HS3ST5: variants seen among roughly 807,000 people sequenced by gnomAD.
The protein encoded by HS3ST5 is heparan sulfate-glucosamine 3-sulfotransferase 5, also known as heparan sulfate glucosamine 3-O-sulfotransferase 5.
HS3ST5 carries 10 observed loss-of-function variants against 25.4 expected under a neutral mutation model. The ratio of observed to expected loss-of-function variants is 0.39; its 90% CI spans 0.24 to 0.67. The LOEUF is 0.67. Ranked by LOEUF, HS3ST5 falls within the 30% of genes least tolerant of loss-of-function variation. HS3ST5 has a pLI of 0.44. For synonymous variants in HS3ST5, 170 were observed against 162.4 expected (o/e 1.05, Z -0.36); for missense variants, 324 against 420.7 (o/e 0.77, Z 2.01).
intron 1 of HS3ST5, among the ~76,000 whole-genome samples, chr6:114,296,846 A>G (rs1774845452): frequency 6.6e-6 from 1 of 152,152 alleles, no homozygotes. Flanking sequence ...ATGTCTTAAA[A>G]CCACAGACTC....
chr6:114,302,719 T>C (rs1028711685), intron 1 of HS3ST5, among the ~76,000 whole-genome samples: 1 of 152,196 alleles, frequency 6.6e-6, no homozygotes, highest in Non-Finnish European at 1.5e-5. Flanking sequence ...TTCATTCCTA[T>C]AGCATCCTTA....
At chr6:114,115,383 C>G (rs962135812) in intron 3 of HS3ST5, among the ~76,000 whole-genome samples, 3 of 152,062 alleles carry the variant, frequency 2.0e-5, no homozygotes, top group African/African-American at 7.2e-5. Context: ...AACCTTTTGG[C>G]TAAATTACAT....
chr6:114,115,300 A>C (rs1464827473), intron 3 of HS3ST5, among the ~76,000 whole-genome samples: 1 of 152,044 alleles, frequency 6.6e-6, no homozygotes, highest in Non-Finnish European at 1.5e-5. Flanking sequence ...AACAAGAAAC[A>C]ATGGCATTTA....
intron 1 of HS3ST5, among the ~76,000 whole-genome samples, chr6:114,297,037 A>T (rs764530384): frequency 4.6e-5 from 7 of 152,192 alleles, no homozygotes; most frequent in Non-Finnish European, 8.8e-5. Flanking sequence ...ACCGTTCTGG[A>T]TCAGAATCAG....
At chr6:114,193,588 C>T (rs1780604228) in intron 2 of HS3ST5, among the ~76,000 whole-genome samples, 1 of 152,090 alleles carries the variant, frequency 6.6e-6, no homozygotes, top group African/African-American at 2.4e-5. Context: ...TTCTTTGTGC[C>T]TTAATTTCCT....
intron 3 of HS3ST5, among the ~76,000 whole-genome samples, chr6:114,141,496 A>T (rs963825016): frequency 1.3e-5 from 2 of 152,206 alleles, no homozygotes; most frequent in African/African-American, 4.8e-5. Context: ...TGTGTGCAGT[A>T]TATCTGTCTT....
At chr6:114,259,610 T>G (rs956710252) in intron 1 of HS3ST5, among the ~76,000 whole-genome samples, 6 of 152,244 alleles carry the variant, frequency 3.9e-5, no homozygotes, top group Admixed American at 6.5e-5. Context: ...TTTATAGAGA[T>G]AACACTTTGG....
intron 1 of HS3ST5, among the ~76,000 whole-genome samples, chr6:114,234,652 T>C (rs1427802976): frequency 5.3e-5 from 8 of 152,166 alleles, no homozygotes; most frequent in Admixed American, 5.2e-4. Context: ...AATAACTTCT[T>C]ATGCTGTGCC....
At chr6:114,167,971 G>A (rs1157161932) in intron 3 of HS3ST5, among the ~76,000 whole-genome samples, 2 of 151,974 alleles carry the variant, frequency 1.3e-5, no homozygotes, top group Non-Finnish European at 2.9e-5. Context: ...CAGATAATAG[G>A]AACAGCAAAG....
intron 3 of HS3ST5, among the ~76,000 whole-genome samples, chr6:114,122,662 C>T (rs555622528): frequency 4.5e-4 from 68 of 152,278 alleles, no homozygotes; most frequent in African/African-American, 1.5e-3. Context: ...CTTCTGTTAA[C>T]ATATGTTACA....
At chr6:114,146,135 G>T (rs578134544) in intron 3 of HS3ST5, among the ~76,000 whole-genome samples, 1 of 152,246 alleles carries the variant, frequency 6.6e-6, no homozygotes, top group Non-Finnish European at 1.5e-5. Flanking sequence ...TTCTAGATAT[G>T]TCTCTTCTCT....
intron 3 of HS3ST5, among the ~76,000 whole-genome samples, chr6:114,081,853 A>G (rs1774467746): frequency 1.3e-5 from 2 of 152,162 alleles, no homozygotes; most frequent in Non-Finnish European, 2.9e-5. Context: ...TATTGGTCTC[A>G]GCTTTATTGA....
At chr6:114,060,444 C>T (rs1449578453) in intron 4 of HS3ST5, among the ~76,000 whole-genome samples, 1 of 152,166 alleles carries the variant, frequency 6.6e-6, no homozygotes, top group Non-Finnish European at 1.5e-5. Flanking sequence ...TCAATAGATA[C>T]ATAGGCAAAG....
intron 1 of HS3ST5, among the ~76,000 whole-genome samples, chr6:114,338,577 A>T (rs1471785939): frequency 6.6e-6 from 1 of 152,034 alleles, no homozygotes; most frequent in African/African-American, 2.4e-5. Context: ...TATCTACATT[A>T]TATGAATTTC....
At chr6:114,197,670 C>T (rs1014878084) in intron 2 of HS3ST5, among the ~76,000 whole-genome samples, 9 of 152,018 alleles carry the variant, frequency 5.9e-5, no homozygotes, top group African/African-American at 2.2e-4. Context: ...ATCTACTGTT[C>T]CCATCTTTGT....
intron 3 of HS3ST5, among the ~76,000 whole-genome samples, chr6:114,091,502 C>T (rs1775116181): frequency 6.8e-6 from 1 of 147,952 alleles, no homozygotes; most frequent in Non-Finnish European, 1.5e-5. Flanking sequence ...ATGGTGAAAC[C>T]CCATCTCTAC....
At chr6:114,244,061 T>G (rs1054255313) in intron 1 of HS3ST5, among the ~76,000 whole-genome samples, 1 of 151,910 alleles carries the variant, frequency 6.6e-6, no homozygotes, top group African/African-American at 2.4e-5. Context: ...TGTGAAAGAG[T>G]TTTAAGTGAG....
chr6:114,110,980 A>T (rs1164001959), intron 3 of HS3ST5, among the ~76,000 whole-genome samples: 1 of 152,206 alleles, frequency 6.6e-6, no homozygotes, highest in Non-Finnish European at 1.5e-5. Flanking sequence ...TGACCTTGGA[A>T]TACATCATGC....
At chr6:114,139,463 C>T (rs1318789776) in intron 3 of HS3ST5, among the ~76,000 whole-genome samples, 1 of 151,918 alleles carries the variant, frequency 6.6e-6, no homozygotes, top group African/African-American at 2.4e-5. Flanking sequence ...GGTAATTCAG[C>T]ATGAGTAGAC....
Sources: gnomAD v4.1 joint callset for allele counts (sites outside exome capture counted in the v4.1 genomes callset) on GRCh38, gnomAD v4.1.1 for gene constraint, MANE v1.5 for transcripts, NCBI Gene and HGNC (gene_info 2026-07-23, HGNC 2026-07-21) for gene names.